PCDHA4: variants seen among roughly 807,000 people sequenced by gnomAD.
The protein encoded by PCDHA4 is protocadherin alpha 4, also known as protocadherin alpha-4.
A neutral mutation model predicts 61.4 loss-of-function variants in PCDHA4; 49 were observed. The observed-to-expected ratio is 0.80, with a 90% CI of 0.63 to 1.01. The LOEUF (loss-of-function observed/expected upper bound fraction) is 1.01. Among genes scored for constraint, PCDHA4 ranks in the 50% least tolerant of loss-of-function variants. The pLI is 0.00. For missense variants in PCDHA4, 1,254 were observed against 1,235.8 expected (o/e 1.01, Z -0.22); for synonymous variants, 590 against 550.3 (o/e 1.07, Z -1.01).
intron 1 of PCDHA4, among the ~76,000 whole-genome samples, chr5:140,914,423 G>T (rs1293093692): frequency 3.3e-5 from 5 of 152,086 alleles, no homozygotes; most frequent in African/African-American, 1.2e-4. Context: ...CCATTAGCAA[G>T]GAATATCTTT....
At chr5:140,948,942 T>TA (rs34363674) in intron 1 of PCDHA4, among the ~76,000 whole-genome samples, 48,005 of 151,444 alleles carry the variant, frequency 0.32, 7,947 homozygotes, top group East Asian at 0.53. Flanking sequence ...TCTTCTAATA[T>TA]AAAAAAATTA....
intron 1 of PCDHA4, chr5:140,837,034 CA>C (rs1275665516): frequency 5.8e-5 from 13 of 223,608 alleles, no homozygotes; most frequent in South Asian, 2.6e-4. Context: ...AGTGTATTTA[CA>C]AAATCAAATA....
intron 1 of PCDHA4, chr5:140,869,400 C>T (rs782134920): frequency 1.2e-6 from 2 of 1,614,026 alleles, no homozygotes; most frequent in African/African-American, 2.7e-5. Flanking sequence ...GCGGGCAGAG[C>T]GCGGAGTGCA....
chr5:140,914,473 G>A (rs1162580496), intron 1 of PCDHA4, among the ~76,000 whole-genome samples: 1 of 152,116 alleles, frequency 6.6e-6, no homozygotes, highest in Admixed American at 6.6e-5. Flanking sequence ...TATCTTCATA[G>A]GTGAAGTGTT....
chr5:140,877,949 A>G (rs1554170233), intron 1 of PCDHA4: 1 of 1,348,792 alleles, frequency 7.4e-7, no homozygotes, highest in East Asian at 2.6e-5. Flanking sequence ...AAACTATCGA[A>G]TGTCTCATCT....
At chr5:140,956,953 CTG>C (rs1217178036) in intron 1 of PCDHA4, among the ~76,000 whole-genome samples, 2 of 135,202 alleles carry the variant, frequency 1.5e-5, no homozygotes, top group African/African-American at 2.6e-5. Flanking sequence ...CATTAAAACA[CTG>C]TAATTAATCA....
chr5:140,928,795 G>T, intron 1 of PCDHA4: 1 of 1,614,152 alleles, frequency 6.2e-7, no homozygotes, highest in South Asian at 1.1e-5. Flanking sequence ...GCAGAGGGTG[G>T]TGGTAGTGGT....
At chr5:140,979,159 T>C in intron 2 of PCDHA4, 152 bp downstream of exon 2, 4 of 1,426,630 alleles carry the variant, frequency 2.8e-6, no homozygotes, top group Non-Finnish European at 3.7e-6. Flanking sequence ...CCATGTTTAT[T>C]CCTTGAAAGA....
rs2150363462 is a variant in PCDHA4 at position 140,843,611 on chromosome 5, C to A, written c.2385+34039C>A. 3 of 1,595,894 alleles carry A rather than the reference C, an allele frequency of 1.9e-6. No individual in the cohort carries two copies. In the South Asian group the frequency reaches 3.3e-5, roughly 18 times the overall value. ...GCAGAGGGTGTGCTCTGGTGAGGGG[C>A]CACCGAAGACGGACCTCATGGCCTT... On this transcript the variant is annotated intron_variant, in intron 1 of 3. Coordinates refer to ENST00000530339, the MANE Select transcript of PCDHA4 (RefSeq NM_018907.4).
In PCDHA4 at chr5:140,945,865, A is replaced by T. The variant is rs184952981; in HGVS notation, c.2386-33084A>T. ...ATTAAAGACTTAAACATAGACCTGAAATTGTAAAACTAACAAAGAAAACAC... is the reference window on the plus strand; with the variant it reads ...ATTAAAGACTTAAACATAGACCTGATATTGTAAAACTAACAAAGAAAACAC... On this transcript the variant is annotated intron_variant, in intron 1 of 3. Coordinates refer to ENST00000530339, the MANE Select transcript of PCDHA4 (RefSeq NM_018907.4). Among the ~76,000 whole-genome samples, 23 of 152,290 alleles carry T rather than the reference A, an allele frequency of 1.5e-4. No individual in the cohort carries two copies. The East Asian group carries it at 4.2e-3, about 28-fold the overall frequency.
chr5:140,870,218 G>A, intron 1 of PCDHA4: 1 of 1,614,172 alleles, frequency 6.2e-7, no homozygotes, highest in Non-Finnish European at 8.5e-7. Context: ...GCCCTGATCA[G>A]CGTGTCTGAC....
At chr5:140,858,533 T>C in intron 1 of PCDHA4, 4 of 1,397,322 alleles carry the variant, frequency 2.9e-6, no homozygotes, top group Non-Finnish European at 4.0e-6. Context: ...TTCATTTTTG[T>C]CTACATTCCA....
chr5:140,820,815 A>G (rs1554127928), intron 1 of PCDHA4, among the ~76,000 whole-genome samples: 1 of 152,112 alleles, frequency 6.6e-6, no homozygotes, highest in Non-Finnish European at 1.5e-5. Context: ...ACAATTTTTA[A>G]TAATTGCTTT....
rs1554168487 is a variant in PCDHA4 at position 140,876,335 on chromosome 5, G to A, written c.2385+66763G>A. ...GGGATCAAAATGATTTTGCCAGTGA[G>A]TGAGAAATGTATGTTTTCAATAAAT... On this transcript the variant is annotated intron_variant, in intron 1 of 3. Transcript: ENST00000530339. 3 of 1,614,034 alleles carry A rather than the reference G, an allele frequency of 1.9e-6. No individual in the cohort carries two copies. The highest frequency in any genetic ancestry group is 4.5e-5 in the East Asian group (2 of 44,894).
At chr5:140,810,225 T>A in intron 1 of PCDHA4, 1 of 152,260 alleles carries the variant, frequency 6.6e-6, no homozygotes, top group East Asian at 1.9e-4. Context: ...ATACTATACC[T>A]TATTTATTCT....
At chr5:140,893,666 C>T (rs2064116335) in intron 1 of PCDHA4, among the ~76,000 whole-genome samples, 1 of 152,160 alleles carries the variant, frequency 6.6e-6, no homozygotes, top group African/African-American at 2.4e-5. Flanking sequence ...TAAAAAATTT[C>T]AGCACTTTGG....
Position 140,823,972 on chromosome 5 carries a change from C to T in PCDHA4, c.2385+14400C>T, listed in dbSNP as rs140039635. On this transcript the variant is annotated intron_variant, in intron 1 of 3. Coordinates refer to ENST00000530339, the MANE Select transcript of PCDHA4 (RefSeq NM_018907.4). ...GCAGCCCACCGAGGCCGTGTGCACA[C>T]GGGGCAAGCCCACTCTGTTGTGCTC... 56 of 1,613,990 alleles carry T rather than the reference C, an allele frequency of 3.5e-5. No individual in the cohort carries two copies. Among genetic ancestry groups the T allele is most frequent in the Non-Finnish European group, 4.2e-5 (50 of 1,180,016 alleles).
intron 1 of PCDHA4, chr5:140,843,132 A>G (rs1365552111): frequency 6.3e-7 from 1 of 1,596,010 alleles, no homozygotes; most frequent in Non-Finnish European, 8.6e-7. Context: ...TCGGGCTACA[A>G]CGCGTGGCTT....
At chr5:140,889,904 TTGTCATAC>T (rs1320793501) in intron 1 of PCDHA4, among the ~76,000 whole-genome samples, 4 of 152,172 alleles carry the variant, frequency 2.6e-5, no homozygotes, top group Non-Finnish European at 5.9e-5. Context: ...TACCTTGAGA[TTGTCATAC>T]TGTAAAGAAG....
Sources: allele counts gnomAD v4.1 joint callset (sites outside exome capture counted in the v4.1 genomes callset), GRCh38; gene constraint gnomAD v4.1.1; transcripts MANE v1.5; gene names NCBI Gene and HGNC (gene_info 2026-07-23, HGNC 2026-07-21).